The following MACROD1 variants were observed in gnomAD, a reference collection of about 807,000 sequenced individuals.
The protein encoded by MACROD1 is mono-ADP ribosylhydrolase 1.
Under a neutral mutation model 41.4 loss-of-function variants are expected in MACROD1, and 31 were observed. The ratio of observed to expected loss-of-function variants is 0.75; its 90% CI spans 0.56 to 1.01. The LOEUF is 1.01. Ranked by LOEUF, MACROD1 falls within the 50% of genes least tolerant of loss-of-function variation. The pLI, the probability that MACROD1 is intolerant of heterozygous loss-of-function variation, is 0.00. For missense variants in MACROD1, 473 were observed against 460.0 expected, an observed-to-expected ratio of 1.03 and a Z score of -0.26; for synonymous variants, 252 against 203.4, an observed-to-expected ratio of 1.24 and a Z score of -2.03.
intron 3 of MACROD1, among the ~76,000 whole-genome samples, chr11:64,031,666 C>T (rs973755480): frequency 2.0e-5 from 3 of 152,134 alleles, no homozygotes; most frequent in Admixed American, 6.5e-5. Context: ...TTAGTAGAGA[C>T]GGGGTTTTGC....
At position 64,064,728 on chromosome 11, in the gene MACROD1, G is replaced by GC. The variant is rs1943965292; in HGVS notation, c.518-49448dup. 6.7e-6 allele frequency among the ~76,000 whole-genome samples: 1 copy of GC among 150,260 alleles called. No homozygotes were observed. On this transcript the variant is annotated intron_variant, in intron 3 of 10. Coordinates refer to ENST00000255681, the MANE Select transcript of MACROD1 (RefSeq NM_014067.4). The surrounding 1 kb of genome is among the most constrained non-coding windows in gnomAD (Gnocchi z 4.5). ...GAGTTCTCCTCTCCCCTCCCTGCCA[G>GC]CCCCCCAGCAGGCAGCCAGGCCTGG...
intron 4 of MACROD1, among the ~76,000 whole-genome samples, chr11:64,002,454 C>T (rs1942842179): frequency 1.3e-5 from 2 of 152,184 alleles, no homozygotes; most frequent in South Asian, 4.1e-4. Flanking sequence ...CCTCCTCACC[C>T]CCAGCAGTTC....
chr11:64,053,996 G>C (rs975452762), intron 3 of MACROD1, among the ~76,000 whole-genome samples: 21 of 152,306 alleles, frequency 1.4e-4, no homozygotes, highest in African/African-American at 5.1e-4. Flanking sequence ...TCTGCACTGT[G>C]ATCTAGTTGA....
intron 3 of MACROD1, among the ~76,000 whole-genome samples, chr11:64,079,853 C>G: frequency 6.6e-6 from 1 of 152,146 alleles, no homozygotes; most frequent in South Asian, 2.1e-4. Context: ...GAGCCAGCAA[C>G]AGCTCCAGAG....
chr11:64,007,017 C>A (rs1016228287), intron 4 of MACROD1, among the ~76,000 whole-genome samples: 2 of 152,114 alleles, frequency 1.3e-5, no homozygotes, highest in African/African-American at 4.8e-5. Flanking sequence ...GGCACGCATC[C>A]CCTGTCATAA....
chr11:64,122,435 TCCCAAAG>T lies in MACROD1; in HGVS notation c.517+28797_517+28803del, dbSNP rs527507179. ...AGCTAGGAGGGGCCCAACCTGACTCTCCCAAAGCCCAAAGCCCACACCTGCCGTGTGC... is the reference window on the plus strand; with the variant it reads ...AGCTAGGAGGGGCCCAACCTGACTCTCCCAAAGCCCACACCTGCCGTGTGC... On this transcript the variant is annotated intron_variant, in intron 3 of 10. Transcript: ENST00000255681. This position sits in a 1 kb window ranked among gnomAD's most constrained non-coding sequence, Gnocchi z 4.0. Among the ~76,000 whole-genome samples the T allele has an allele frequency of 6.6e-6, 1 of 151,862 alleles. No individual in the cohort carries two copies. The highest frequency in any genetic ancestry group is 1.5e-5 in the Non-Finnish European group (1 of 67,946).
chr11:64,029,002 G>A (rs1943259882), intron 3 of MACROD1, among the ~76,000 whole-genome samples: 1 of 152,210 alleles, frequency 6.6e-6, no homozygotes, highest in African/African-American at 2.4e-5. Flanking sequence ...AGGACTCTGG[G>A]AGAGGGACCC....
intron 4 of MACROD1, among the ~76,000 whole-genome samples, chr11:64,008,747 T>G (rs1416307291): frequency 1.3e-5 from 2 of 152,124 alleles, no homozygotes; most frequent in African/African-American, 4.8e-5. Context: ...ACAGGCAGGC[T>G]CGGCTCCTGC....
At chr11:64,126,274 G>A (rs1389959327) in intron 3 of MACROD1, among the ~76,000 whole-genome samples, 1 of 152,180 alleles carries the variant, frequency 6.6e-6, no homozygotes, top group African/African-American at 2.4e-5. Context: ...ATAAGGAGAG[G>A]CCAAGAGCCA....
chr11:64,130,114 C>T (rs952145556), intron 3 of MACROD1, among the ~76,000 whole-genome samples: 2 of 152,082 alleles, frequency 1.3e-5, no homozygotes, highest in African/African-American at 4.8e-5. Context: ...TGCAGCCCCC[C>T]ACCGTGCCAC....
rs1429547944 is a variant in MACROD1 at position 64,090,843 on chromosome 11, C to T, written c.517+60396G>A. On this transcript the variant is annotated intron_variant, in intron 3 of 10. Coordinates refer to ENST00000255681, the MANE Select transcript of MACROD1 (RefSeq NM_014067.4). This position sits in a 1 kb window ranked among gnomAD's most constrained non-coding sequence, Gnocchi z 4.7. ...AGCAGAGCCCGAGTCGGGTCCAGCC[C>T]TGCACTCCCAGGGAGCCCTGAGGGA... Among the ~76,000 whole-genome samples the T allele has an allele frequency of 6.6e-6, 1 of 152,062 alleles. No individual in the cohort carries two copies. The highest frequency in any genetic ancestry group is 1.5e-5 in the Non-Finnish European group (1 of 68,012).
At chr11:64,094,942 C>T (rs1944551180) in intron 3 of MACROD1, among the ~76,000 whole-genome samples, 1 of 152,214 alleles carries the variant, frequency 6.6e-6, no homozygotes, top group East Asian at 1.9e-4. Context: ...GTTTCCCAGC[C>T]CCGTGTGCTC....
chr11:64,105,625 A>G (rs577483817), intron 3 of MACROD1, among the ~76,000 whole-genome samples: 1 of 152,222 alleles, frequency 6.6e-6, no homozygotes, highest in Admixed American at 6.5e-5. Context: ...CCCCACAGGC[A>G]TGAGTGACCC....
At chr11:64,016,355 C>T (rs1230000319) in intron 3 of MACROD1, among the ~76,000 whole-genome samples, 4 of 152,278 alleles carry the variant, frequency 2.6e-5, no homozygotes, top group African/African-American at 9.6e-5. Flanking sequence ...AGGTGCCGCC[C>T]AGGCCCAGAT....
intron 3 of MACROD1, among the ~76,000 whole-genome samples, chr11:64,070,834 C>G (rs74753444): frequency 2.0e-5 from 3 of 152,272 alleles, no homozygotes; most frequent in African/African-American, 7.2e-5. Context: ...TGCTCTTTCT[C>G]GTTTTGGAAG....
intron 3 of MACROD1, among the ~76,000 whole-genome samples, chr11:64,032,355 G>A (rs1180227695): frequency 1.3e-5 from 2 of 152,234 alleles, no homozygotes; most frequent in African/African-American, 4.8e-5. Context: ...TTAAGATAAG[G>A]AAATGGAGGC....
chr11:64,075,411 C>T (rs1283292357), intron 3 of MACROD1, among the ~76,000 whole-genome samples: 1 of 152,264 alleles, frequency 6.6e-6, no homozygotes, highest in African/African-American at 2.4e-5. Flanking sequence ...TCATTGCAAT[C>T]CAATATTGTT....
At chr11:64,119,787 C>T (rs1001495984) in intron 3 of MACROD1, among the ~76,000 whole-genome samples, 18 of 152,260 alleles carry the variant, frequency 1.2e-4, no homozygotes, top group African/African-American at 4.1e-4. Context: ...GAATCCATGT[C>T]GCTATCATGC....
chr11:64,000,620 C>T (rs1340719512), intron 4 of MACROD1, among the ~76,000 whole-genome samples: 1 of 152,044 alleles, frequency 6.6e-6, no homozygotes, highest in African/African-American at 2.4e-5. Context: ...CCCTTCCAGG[C>T]CGCGCCGCCA....
Sources: gnomAD v4.1 joint callset for allele counts (sites outside exome capture counted in the v4.1 genomes callset) on GRCh38, gnomAD v4.1.1 for gene constraint, Gnocchi (gnomAD v3.1) non-coding constraint, MANE v1.5 for transcripts, NCBI Gene and HGNC (gene_info 2026-07-23, HGNC 2026-07-21) for gene names.